Variants in ROBO1 observed in about 807,000 individuals in gnomAD.
ROBO1 encodes roundabout guidance receptor 1, also known as roundabout homolog 1.
A neutral mutation model predicts 195.9 loss-of-function variants in ROBO1; 149 were observed. The observed-to-expected ratio is 0.76, with a 90% CI of 0.67 to 0.87. The LOEUF is 0.87. Among genes scored for constraint, ROBO1 ranks in the 40% least tolerant of loss-of-function variants. ROBO1 has a pLI of 0.00. For synonymous variants in ROBO1, 816 were observed against 733.2 expected (o/e 1.11, Z -1.82); for missense variants, 1,933 against 2,068.3 (o/e 0.93, Z 1.27).
intron 2 of ROBO1, among the ~76,000 whole-genome samples, chr3:79,403,019 A>C (rs1040898457): frequency 6.6e-6 from 1 of 151,838 alleles, no homozygotes; most frequent in African/African-American, 2.4e-5. Context: ...TAAACTGCTT[A>C]ATTAAGTGAC....
intron 4 of ROBO1, among the ~76,000 whole-genome samples, chr3:78,911,003 G>A (rs183086245): frequency 5.9e-5 from 9 of 152,058 alleles, no homozygotes; most frequent in Admixed American, 2.0e-4. Flanking sequence ...ATTCTGAAAC[G>A]CACTAAAGTT....
intron 4 of ROBO1, among the ~76,000 whole-genome samples, chr3:78,750,233 C>T (rs1334492823): frequency 6.6e-6 from 1 of 151,918 alleles, no homozygotes; most frequent in Non-Finnish European, 1.5e-5. Flanking sequence ...GCAGGCAGAT[C>T]ACGAGGTCAG....
chr3:79,313,973 G>A (rs1297109680), intron 2 of ROBO1, among the ~76,000 whole-genome samples: 1 of 152,054 alleles, frequency 6.6e-6, no homozygotes, highest in East Asian at 1.9e-4. Flanking sequence ...AGCAGCTTAG[G>A]CATTATTTAT....
chr3:79,409,428 A>C (rs2037679580), intron 2 of ROBO1, among the ~76,000 whole-genome samples: 1 of 152,170 alleles, frequency 6.6e-6, no homozygotes, highest in African/African-American at 2.4e-5. Flanking sequence ...TATATTATGC[A>C]ACTCTCCATT....
chr3:79,757,503 C>CCATATATATATATATATATATATATATA (rs369407395), intron 1 of ROBO1, among the ~76,000 whole-genome samples: 18 of 145,328 alleles, frequency 1.2e-4, no homozygotes, highest in African/African-American at 5.0e-4. Context: ...CTCTCTCTCT[C>CCATATATATATATATATATATATATATA]TCTCTCCATA....
At chr3:79,055,304 T>C (rs2078784311) in intron 3 of ROBO1, among the ~76,000 whole-genome samples, 1 of 152,146 alleles carries the variant, frequency 6.6e-6, no homozygotes, top group African/African-American at 2.4e-5. Context: ...CACGTGGCCC[T>C]GGGATGGGCT....
chr3:79,699,784 G>C, intron 1 of ROBO1, among the ~76,000 whole-genome samples: 1 of 151,578 alleles, frequency 6.6e-6, no homozygotes, highest in South Asian at 2.1e-4. Flanking sequence ...CAGCTTCTGG[G>C]AACATTTCTT....
chr3:78,820,941 A>C (rs1409213186), intron 4 of ROBO1, among the ~76,000 whole-genome samples: 1 of 152,202 alleles, frequency 6.6e-6, no homozygotes, highest in Non-Finnish European at 1.5e-5. Context: ...CTGTGTTGTG[A>C]TCTTTCTTGA....
At chr3:79,101,375 T>C (rs762661113) in intron 3 of ROBO1, among the ~76,000 whole-genome samples, 5 of 151,876 alleles carry the variant, frequency 3.3e-5, no homozygotes, top group Non-Finnish European at 5.9e-5. Context: ...TGTGAGTCAC[T>C]GTAAACAAAA....
Position 79,070,903 on chromosome 3 carries a change from T to C in ROBO1, c.172+54553A>G, listed in dbSNP as rs528370214. Among the ~76,000 whole-genome samples, 14 of 151,950 alleles carry C rather than the reference T, an allele frequency of 9.2e-5. No homozygotes were observed. The East Asian group carries it at 2.7e-3, about 30-fold the overall frequency. The stretch of plus-strand genomic sequence containing the variant: ...TATAGCTAATTCTTTTTATACTGAC[T>C]TTTAAAATTTTTTATTAGTTATTTT... On this transcript the variant is annotated intron_variant, in intron 3 of 30. Transcript: ENST00000464233.
At chr3:79,308,289 C>A (rs2033316651) in intron 2 of ROBO1, among the ~76,000 whole-genome samples, 1 of 152,064 alleles carries the variant, frequency 6.6e-6, no homozygotes, top group Non-Finnish European at 1.5e-5. Context: ...GCTAACAAAT[C>A]AAATAACTCC....
At chr3:79,258,114 A>C (rs2082872319) in intron 2 of ROBO1, among the ~76,000 whole-genome samples, 1 of 152,182 alleles carries the variant, frequency 6.6e-6, no homozygotes, top group Admixed American at 6.6e-5. Flanking sequence ...ATGCTAAATT[A>C]AATGGAAAAA....
chr3:78,605,070 T>C (rs1355370102), intron 29 of ROBO1, among the ~76,000 whole-genome samples: 1 of 152,194 alleles, frequency 6.6e-6, no homozygotes. Flanking sequence ...TTCCATTCAC[T>C]TTCCAACTCC....
At chr3:79,427,856 G>A (rs2038512530) in intron 2 of ROBO1, among the ~76,000 whole-genome samples, 1 of 152,022 alleles carries the variant, frequency 6.6e-6, no homozygotes, top group African/African-American at 2.4e-5. Flanking sequence ...AAACAATGGG[G>A]AAACTCCCCA....
chr3:79,594,277 T>A (rs1944095288), intron 1 of ROBO1, among the ~76,000 whole-genome samples: 2 of 152,014 alleles, frequency 1.3e-5, no homozygotes, highest in African/African-American at 4.8e-5. Context: ...GTATGTTCTC[T>A]CAGTATTAAA....
chr3:79,370,984 G>A (rs1188334028), intron 2 of ROBO1, among the ~76,000 whole-genome samples: 1 of 152,030 alleles, frequency 6.6e-6, no homozygotes, highest in East Asian at 1.9e-4. Flanking sequence ...ATGGTTTCCA[G>A]CTCCATCCAT....
At chr3:79,264,155 C>T (rs1209939951) in intron 2 of ROBO1, among the ~76,000 whole-genome samples, 2 of 152,000 alleles carry the variant, frequency 1.3e-5, no homozygotes, top group Non-Finnish European at 2.9e-5. Context: ...TTTGAACATA[C>T]AGAACTGATT....
At chr3:78,935,639 CCTT>C (rs2039764089) in intron 4 of ROBO1, among the ~76,000 whole-genome samples, 1 of 152,000 alleles carries the variant, frequency 6.6e-6, no homozygotes, top group East Asian at 1.9e-4. Flanking sequence ...ACTCGTAAGA[CCTT>C]CTTAGAAAGT....
intron 2 of ROBO1, among the ~76,000 whole-genome samples, chr3:79,267,601 G>A (rs1452910940): frequency 6.6e-6 from 1 of 150,702 alleles, no homozygotes; most frequent in Non-Finnish European, 1.5e-5. Flanking sequence ...GGAAAGCTTG[G>A]AAAGACCCAT....
Sources: allele counts gnomAD v4.1 joint callset (sites outside exome capture counted in the v4.1 genomes callset), GRCh38; gene constraint gnomAD v4.1.1; transcripts MANE v1.5; gene names NCBI Gene and HGNC (gene_info 2026-07-23, HGNC 2026-07-21).